SLC7A7: variants seen among roughly 807,000 people sequenced by gnomAD.
The protein encoded by SLC7A7 is Y+L amino acid transporter 1.
A neutral mutation model predicts 47.9 loss-of-function variants in SLC7A7; 39 were observed. The ratio of observed to expected loss-of-function variants is 0.81; its 90% CI spans 0.63 to 1.06. The LOEUF (loss-of-function observed/expected upper bound fraction) is 1.06. Among genes scored for constraint, SLC7A7 ranks in the 50% least tolerant of loss-of-function variants. The pLI, the probability that SLC7A7 is intolerant of heterozygous loss-of-function variation, is 0.00. For missense variants in SLC7A7, 588 were observed against 632.0 expected, an observed-to-expected ratio of 0.93 and a Z score of 0.75; for synonymous variants, 234 against 242.8, an observed-to-expected ratio of 0.96 and a Z score of 0.34.
chr14:22,806,895 C>CTT (rs397852982), intron 2 of SLC7A7, among the ~76,000 whole-genome samples: 3,845 of 123,562 alleles, frequency 0.031, 247 homozygotes, highest in African/African-American at 0.096. Context: ...CCACTGTTAA[C>CTT]TTTTTTTTTT....
intron 4 of SLC7A7, among the ~76,000 whole-genome samples, chr14:22,777,975 T>C (rs2139393080): frequency 6.6e-6 from 1 of 152,224 alleles, no homozygotes; most frequent in South Asian, 2.1e-4. Flanking sequence ...TTTGGGAGGC[T>C]GAAGCAGGAG....
At chr14:22,774,814 C>G (rs1234189482) in intron 7 of SLC7A7, among the ~76,000 whole-genome samples, 1 of 152,122 alleles carries the variant, frequency 6.6e-6, no homozygotes, top group Non-Finnish European at 1.5e-5. Flanking sequence ...GCTCTTATCT[C>G]CTCCTACATG....
chr14:22,788,471 A>G (rs185059754), intron 2 of SLC7A7, among the ~76,000 whole-genome samples: 152 of 152,242 alleles, frequency 1.0e-3, no homozygotes, highest in Middle Eastern at 6.8e-3. Context: ...TTGGGAGGCC[A>G]AGGCGGGCAG....
intron 2 of SLC7A7, among the ~76,000 whole-genome samples, chr14:22,795,402 C>CTT (rs1491072807): frequency 3.4e-3 from 14 of 4,100 alleles, no homozygotes; most frequent in African/African-American, 4.7e-3. Context: ...TTCTTTCTTT[C>CTT]TTTCTTTCTT....
chr14:22,818,849 C>G (rs771960500), upstream of SLC7A7, among the ~76,000 whole-genome samples: 2 of 152,114 alleles, frequency 1.3e-5, no homozygotes, highest in Non-Finnish European at 2.9e-5. Flanking sequence ...ACCTCAGCCT[C>G]CCAAAGTGCT....
intron 2 of SLC7A7, among the ~76,000 whole-genome samples, chr14:22,803,349 C>T (rs1310167866): frequency 1.3e-5 from 2 of 152,040 alleles, no homozygotes; most frequent in Admixed American, 6.6e-5. Flanking sequence ...ACCCGGAAGG[C>T]GGAGGTTGCA....
chr14:22,782,078 G>A (rs1215697267), intron 2 of SLC7A7, among the ~76,000 whole-genome samples: 1 of 151,898 alleles, frequency 6.6e-6, no homozygotes, highest in African/African-American at 2.4e-5. Context: ...GAAATACATG[G>A]CTTGTTTATA....
intron 2 of SLC7A7, among the ~76,000 whole-genome samples, chr14:22,801,958 C>T (rs2039122691): frequency 6.6e-6 from 1 of 152,226 alleles, no homozygotes; most frequent in Non-Finnish European, 1.5e-5. Flanking sequence ...CCAACCCTAT[C>T]TCTTTCCTAA....
chr14:22,795,400 TTC>T (rs72494353), intron 2 of SLC7A7, among the ~76,000 whole-genome samples: 53,054 of 93,528 alleles, frequency 0.57, 14,937 homozygotes, highest in East Asian at 0.76. Flanking sequence ...CTTTCTTTCT[TTC>T]TTTCTTTCTT....
At chr14:22,779,607 A>G (rs1472912180) in intron 3 of SLC7A7, among the ~76,000 whole-genome samples, 1 of 151,922 alleles carries the variant, frequency 6.6e-6, no homozygotes, top group Admixed American at 6.6e-5. Flanking sequence ...GGCGCCTGCC[A>G]CCATGCCCGG....
At chr14:22,810,039 C>CAAAAAAAAAAAAAAAAAAAAAAAAAA (rs34386018) in intron 2 of SLC7A7, among the ~76,000 whole-genome samples, 1 of 60,694 alleles carries the variant, frequency 1.6e-5, no homozygotes, top group Non-Finnish European at 2.8e-5. Flanking sequence ...AACACTGTCT[C>CAAAAAAAAAAAAAAAAAAAAAAAAAA]AAAAAAAAAA....
chr14:22,773,991 GTAAAAGGGCAGGCC>G lies in SLC7A7; in HGVS notation c.1357_1370del (p.Gly453LeufsTer10), dbSNP rs766043914. ...GTTCTGGCACTCTGATGATGAGGAA[GTAAAAGGGCAGGCC>G]TGAGAGGGCAATGGCAATGCCGATG... On this transcript the variant is annotated frameshift_variant, in exon 9 of 10. Transcript: ENST00000674313. LOFTEE classifies it high-confidence loss of function. 6.2e-7 allele frequency: 1 copy of G among 1,614,236 alleles called. No individual in the cohort carries two copies. Among genetic ancestry groups the G allele is most frequent in the East Asian group, 2.2e-5 (1 of 44,884 alleles).
upstream of SLC7A7, chr14:22,815,756 T>C (rs779385113): frequency 3.6e-5 from 16 of 442,962 alleles, no homozygotes; most frequent in South Asian, 2.3e-4. Context: ...GACAGGACAG[T>C]AGCGGGGAAG....
At chr14:22,797,951 G>T (rs911149012) in intron 2 of SLC7A7, among the ~76,000 whole-genome samples, 7 of 152,064 alleles carry the variant, frequency 4.6e-5, no homozygotes, top group Non-Finnish European at 1.0e-4. Context: ...ATGAAAATAT[G>T]GTACAAATAT....
At position 22,791,685 on chromosome 14, in the gene SLC7A7, C is replaced by T. The variant is rs2038925466; in HGVS notation, c.500-11634G>A. Among the ~76,000 whole-genome samples, 2 of 152,164 alleles carry T rather than the reference C, an allele frequency of 1.3e-5. 1 individual carries two copies. Among genetic ancestry groups the T allele is most frequent in the South Asian group, 4.1e-4 (2 of 4,822 alleles). On this transcript the variant is annotated intron_variant, in intron 2 of 9. Transcript: ENST00000674313. ...GTGTCTCCAAAATACTCTACCACTG[C>T]TGTTTCCTCAGAAGGTCCAGATATA...
At chr14:22,801,303 G>C (rs1467928672) in intron 2 of SLC7A7, among the ~76,000 whole-genome samples, 8 of 152,102 alleles carry the variant, frequency 5.3e-5, no homozygotes, top group Middle Eastern at 3.4e-3. Context: ...CTGGCATTTA[G>C]GTTTTCATAC....
chr14:22,789,699 A>G lies in SLC7A7; in HGVS notation c.500-9648T>C, dbSNP rs1434623453. Among the ~76,000 whole-genome samples the G allele has an allele frequency of 2.6e-5, 4 of 152,236 alleles. No individual in the cohort carries two copies. The East Asian group carries it at 7.7e-4, about 29-fold the overall frequency. On this transcript the variant is annotated intron_variant, in intron 2 of 9. Transcript: ENST00000674313. ...GCTAATCAAGTGACAAAACAGGGAA[A>G]TCATTCTGTATTCTCTGGGTGGGCC...
rs759933569 is a variant in SLC7A7 at position 22,774,016 on chromosome 14, A to G, written c.1346T>C (p.Ile449Thr). 6.2e-7 allele frequency: 1 copy of G among 1,614,208 alleles called. No individual in the cohort carries two copies. The highest frequency in any genetic ancestry group is 1.1e-5 in the South Asian group (1 of 91,078). ...DTINSLIGIA[I>T]ALSGLPFYFL... The stretch of plus-strand genomic sequence containing the variant: ...GTAAAAGGGCAGGCCTGAGAGGGCA[A>G]TGGCAATGCCGATGAGGGAGTTGAT... Residue 449 changes from isoleucine to threonine, a missense_variant, in exon 9 of 10, where the codon ATT becomes ACT. Transcript: ENST00000674313.
chr14:22,798,721 A>T (rs774011200), intron 2 of SLC7A7, among the ~76,000 whole-genome samples: 5 of 152,200 alleles, frequency 3.3e-5, no homozygotes, highest in Non-Finnish European at 4.4e-5. Flanking sequence ...TCTACAATGC[A>T]GTCTGAGATG....
Sources: gnomAD v4.1 joint callset for allele counts (sites outside exome capture counted in the v4.1 genomes callset) on GRCh38, gnomAD v4.1.1 for gene constraint, MANE v1.5 for transcripts, NCBI Gene and HGNC (gene_info 2026-07-23, HGNC 2026-07-21) for gene names.